The following GRIN2B variants were observed in gnomAD, a reference collection of about 807,000 sequenced individuals.
The protein encoded by GRIN2B is glutamate ionotropic receptor NMDA type subunit 2B.
In GRIN2B, 5 loss-of-function variants were observed where a neutral mutation model predicts 114.5. The observed-to-expected ratio is 0.04, with a 90% CI of 0.02 to 0.09. GRIN2B has a LOEUF of 0.09. GRIN2B is among the 10% of genes least tolerant of loss of function. GRIN2B has a pLI of 1.00. For missense variants in GRIN2B, 1,108 were observed against 1,943.5 expected, an observed-to-expected ratio of 0.57 and a Z score of 8.08; for synonymous variants, 787 against 745.1, an observed-to-expected ratio of 1.06 and a Z score of -0.92.
At chr12:13,974,951 AAG>A (rs1010366656) in intron 2 of GRIN2B, among the ~76,000 whole-genome samples, 48 of 152,364 alleles carry the variant, frequency 3.2e-4, no homozygotes, top group African/African-American at 1.1e-3. Flanking sequence ...AAAAAAAAGA[AAG>A]AGAGGAATCA....
chr12:13,972,672 G>A (rs943603610), intron 2 of GRIN2B, among the ~76,000 whole-genome samples: 1 of 152,216 alleles, frequency 6.6e-6, no homozygotes, highest in Non-Finnish European at 1.5e-5. Flanking sequence ...ACCACATTAT[G>A]TGGCTTTAGG....
intron 5 of GRIN2B, among the ~76,000 whole-genome samples, chr12:13,655,508 T>C (rs532527248): frequency 2.0e-5 from 3 of 152,256 alleles, no homozygotes; most frequent in Admixed American, 6.5e-5. Flanking sequence ...GCATCCTCAA[T>C]AGAATGAGAA....
At chr12:13,905,611 G>T (rs1369978192) in intron 2 of GRIN2B, among the ~76,000 whole-genome samples, 4 of 152,082 alleles carry the variant, frequency 2.6e-5, no homozygotes, top group Non-Finnish European at 4.4e-5. Context: ...ATGAAGGAGT[G>T]GGGAGGTGGT....
chr12:13,716,445 T>C (rs927402340), intron 4 of GRIN2B, among the ~76,000 whole-genome samples: 13 of 151,906 alleles, frequency 8.6e-5, no homozygotes, highest in African/African-American at 3.1e-4. Context: ...TGGAGCTATC[T>C]CACAGTGGCA....
intron 10 of GRIN2B, among the ~76,000 whole-genome samples, chr12:13,596,133 AT>A (rs1949070168): frequency 6.6e-6 from 1 of 151,960 alleles, no homozygotes; most frequent in Admixed American, 6.5e-5. Flanking sequence ...TTCAATTTGT[AT>A]TTGAGGCCAC....
intron 5 of GRIN2B, among the ~76,000 whole-genome samples, chr12:13,632,459 A>G (rs1056967340): frequency 7.2e-5 from 11 of 152,376 alleles, no homozygotes; most frequent in African/African-American, 2.6e-4. Flanking sequence ...CTTTATGAGT[A>G]AAAGTTACTT....
intron 4 of GRIN2B, among the ~76,000 whole-genome samples, chr12:13,696,155 C>T (rs1201443499): frequency 1.3e-5 from 2 of 152,084 alleles, no homozygotes; most frequent in Non-Finnish European, 2.9e-5. Context: ...GGAAAGGAAG[C>T]CTGGAGCATT....
chr12:13,666,339 C>T (rs761630950), intron 5 of GRIN2B, among the ~76,000 whole-genome samples: 15 of 152,036 alleles, frequency 9.9e-5, no homozygotes, highest in Non-Finnish European at 2.2e-4. Flanking sequence ...TCTATGACAG[C>T]GAAGGACACC....
intron 2 of GRIN2B, among the ~76,000 whole-genome samples, chr12:13,868,455 TACACAC>T (rs71436778): frequency 3.4e-5 from 5 of 148,784 alleles, no homozygotes; most frequent in East Asian, 2.0e-4. Flanking sequence ...GTGGACAAAG[TACACAC>T]ACACACACAC....
At chr12:13,610,524 G>C (rs1292365173) in intron 9 of GRIN2B, among the ~76,000 whole-genome samples, 1 of 152,160 alleles carries the variant, frequency 6.6e-6, no homozygotes, top group African/African-American at 2.4e-5. Flanking sequence ...ATGAAGCACA[G>C]GTGGAAGGCC....
intron 10 of GRIN2B, among the ~76,000 whole-genome samples, chr12:13,579,654 T>G (rs991567423): frequency 6.6e-6 from 1 of 152,190 alleles, no homozygotes; most frequent in African/African-American, 2.4e-5. Context: ...ATTGGGTTTT[T>G]GTGTTAGAAA....
Position 13,797,565 on chromosome 12 carries a change from CA to C in GRIN2B, c.412-43651del, listed in dbSNP as rs200529925. On this transcript the variant is annotated intron_variant, in intron 3 of 13. Coordinates refer to ENST00000609686, the MANE Select transcript of GRIN2B (RefSeq NM_000834.5). ...TGGGTAGGACCTGCTTTGCCATTTT[CA>C]AAAAGGTCTACTTTCATGCAAATAG... is the stretch of plus-strand genomic sequence containing the variant. Among the ~76,000 whole-genome samples the C allele has an allele frequency of 7.2e-3, 1,097 of 152,166 alleles. 15 individuals are homozygous for C. The highest frequency in any genetic ancestry group is 0.024 in the African/African-American group (1,011 of 41,502).
At chr12:13,585,571 A>G (rs961581479) in intron 10 of GRIN2B, among the ~76,000 whole-genome samples, 12 of 152,236 alleles carry the variant, frequency 7.9e-5, no homozygotes, top group Non-Finnish European at 1.6e-4. Flanking sequence ...ACAACGGACC[A>G]TCACAGGAGA....
intron 3 of GRIN2B, among the ~76,000 whole-genome samples, chr12:13,845,997 CTATTTA>C (rs2136721169): frequency 6.6e-6 from 1 of 152,260 alleles, no homozygotes; most frequent in African/African-American, 2.4e-5. Flanking sequence ...GGCTTTCCAC[CTATTTA>C]TTCACTCACC....
chr12:13,690,373 T>TCA (rs57259908), intron 4 of GRIN2B, among the ~76,000 whole-genome samples: 22,319 of 143,216 alleles, frequency 0.16, 1,750 homozygotes, highest in South Asian at 0.19. Context: ...TCTCTCTCTC[T>TCA]CACACACACA....
At chr12:13,728,668 A>C (rs887364132) in intron 4 of GRIN2B, among the ~76,000 whole-genome samples, 7 of 152,148 alleles carry the variant, frequency 4.6e-5, no homozygotes, top group African/African-American at 1.7e-4. Context: ...AACTTGATAG[A>C]TCTCCCACAG....
Position 13,563,284 on chromosome 12 carries a change from G to A in GRIN2B, c.3954C>T (p.Ala1318=). The part of the protein sequence containing the change: ...VDLQKEEAAL[A]PRSVSLKDKG... ...TGTCTTTCAGGCTTACGCTGCGCGG[G>A]GCCAGGGCGGCTTCTTCCTTCTGCA... Residue 1318 remains alanine, a synonymous_variant, in exon 14 of 14, where the codon GCC becomes GCT. Transcript: ENST00000609686. 1 of 1,614,222 alleles carries A rather than the reference G, an allele frequency of 6.2e-7. No individual in the cohort carries two copies. Among genetic ancestry groups the A allele is most frequent in the East Asian group, 2.2e-5 (1 of 44,880 alleles).
chr12:13,812,514 T>C (rs1864750455), intron 3 of GRIN2B, among the ~76,000 whole-genome samples: 1 of 152,204 alleles, frequency 6.6e-6, no homozygotes, highest in African/African-American at 2.4e-5. Flanking sequence ...CTATTTCAAC[T>C]GTAGACATTT....
chr12:13,878,086 AAAT>A (rs1243322841), intron 2 of GRIN2B, among the ~76,000 whole-genome samples: 1 of 151,060 alleles, frequency 6.6e-6, no homozygotes, highest in Non-Finnish European at 1.5e-5. Context: ...AAAAAAAAAA[AAAT>A]CTACTGTCTA....
Sources: gnomAD v4.1 joint callset for allele counts (sites outside exome capture counted in the v4.1 genomes callset) on GRCh38, gnomAD v4.1.1 for gene constraint, MANE v1.5 for transcripts, NCBI Gene and HGNC (gene_info 2026-07-23, HGNC 2026-07-21) for gene names.